The following RNF19B variants were observed in gnomAD, a reference collection of about 807,000 sequenced individuals.
RNF19B encodes the protein ring finger protein 19B, also known as E3 ubiquitin-protein ligase RNF19B.
Under a neutral mutation model 65.5 loss-of-function variants are expected in RNF19B, and 23 were observed. The ratio of observed to expected loss-of-function variants is 0.35; its 90% CI spans 0.25 to 0.50. RNF19B has a LOEUF of 0.50. RNF19B is among the 20% of genes least tolerant of loss of function. RNF19B has a pLI of 0.98. For synonymous variants in RNF19B, 372 were observed against 379.6 expected, an observed-to-expected ratio of 0.98 and a Z score of 0.23; for missense variants, 794 against 980.0, an observed-to-expected ratio of 0.81 and a Z score of 2.53.
intron 3 of RNF19B, among the ~76,000 whole-genome samples, chr1:32,947,783 G>GTGAAGTGTAAAGTAC (rs1553144705): frequency 1.3e-5 from 2 of 152,014 alleles, no homozygotes; most frequent in Non-Finnish European, 2.9e-5. Flanking sequence ...AGATAGGTAC[G>GTGAAGTGTAAAGTAC]TGAAGTGTAA....
At chr1:32,956,955 C>T (rs1374442065) in intron 1 of RNF19B, among the ~76,000 whole-genome samples, 1 of 152,134 alleles carries the variant, frequency 6.6e-6, no homozygotes, top group East Asian at 1.9e-4. Flanking sequence ...ATTTTTCCTG[C>T]CCTATTTAAG....
At chr1:32,953,884 TC>T (rs1445109403) in intron 1 of RNF19B, among the ~76,000 whole-genome samples, 1 of 147,456 alleles carries the variant, frequency 6.8e-6, no homozygotes, top group African/African-American at 2.5e-5. Flanking sequence ...TTATTAACAT[TC>T]CCCCAGCCCC....
intron 1 of RNF19B, among the ~76,000 whole-genome samples, chr1:32,961,826 G>A (rs574937331): frequency 6.6e-6 from 1 of 152,192 alleles, no homozygotes; most frequent in East Asian, 1.9e-4. Context: ...TTTTATTGAT[G>A]TGAGCAAAGA....
intron 2 of RNF19B, 123 bp from the exon 3 acceptor site, chr1:32,948,486 T>C: frequency 9.9e-7 from 1 of 1,011,054 alleles, no homozygotes; most frequent in Non-Finnish European, 1.4e-6. Flanking sequence ...CACTGAACAC[T>C]CCAAATTGTA....
At chr1:32,947,813 A>G (rs977859065) in intron 3 of RNF19B, among the ~76,000 whole-genome samples, 15 of 152,120 alleles carry the variant, frequency 9.9e-5, no homozygotes, top group African/African-American at 3.4e-4. Flanking sequence ...GATATTTATG[A>G]CAAAAGATAA....
intron 5 of RNF19B, 88 bp from the exon 6 acceptor site, chr1:32,944,247 C>G: frequency 7.1e-7 from 1 of 1,417,558 alleles, no homozygotes; most frequent in Non-Finnish European, 9.5e-7. Flanking sequence ...GGACAAACCA[C>G]TTTATAAAGA....
At chr1:32,947,965 A>G (rs1455530932) in intron 3 of RNF19B, among the ~76,000 whole-genome samples, 7 of 152,132 alleles carry the variant, frequency 4.6e-5, no homozygotes, top group East Asian at 1.9e-4. Context: ...TAGGCAAAGG[A>G]AAGAACATGA....
intron 1 of RNF19B, among the ~76,000 whole-genome samples, chr1:32,962,742 T>C (rs553400236): frequency 4.0e-5 from 6 of 151,454 alleles, no homozygotes; most frequent in African/African-American, 1.4e-4. Context: ...CCCAGCATCT[T>C]TTTGTCGCCA....
At chr1:32,962,527 T>C (rs999066141) in intron 1 of RNF19B, among the ~76,000 whole-genome samples, 5 of 152,262 alleles carry the variant, frequency 3.3e-5, no homozygotes, top group African/African-American at 9.6e-5. Context: ...CTAAACAAGT[T>C]TGGCAGAATT....
chr1:32,937,105 C>G lies in RNF19B; in HGVS notation c.1897G>C (p.Asp633His). ...EGSGGGGSEE[D>H]PPCRHQSCEQ... is the part of the protein sequence containing the mutation. ...CAGCTTTGGTGTCTGCAGGGGGGAT[C>G]CTCTTCACTGCCTCCGCCACCACTA... The change falls in exon 9 of 9, where the codon GAT (aspartate) becomes CAT (histidine). Residue 633 changes from aspartate to histidine, a missense_variant. By Grantham distance (81) the Asp-to-His change is moderately conservative (BLOSUM62 -1). Coordinates refer to ENST00000235150, the MANE Select transcript of RNF19B (RefSeq NM_001300826.2). 6.2e-7 allele frequency: 1 copy of G among 1,614,180 alleles called. No individual in the cohort carries two copies. Among genetic ancestry groups the G allele is most frequent in the South Asian group, 1.1e-5 (1 of 91,082 alleles).
rs779653345 is a variant in RNF19B at position 32,936,963 on chromosome 1, G to A, written c.2039C>T (p.Thr680Ile). Reference protein sequence around the residue: ...DAQSDDVPDITSDECGSPRSH... With the variant: ...DAQSDDVPDIISDECGSPRSH... ...GCGGGGGGAGCCACACTCATCTGAGGTGATGTCTGGCACATCGTCTGACTG... is the reference window on the plus strand; with the variant it reads ...GCGGGGGGAGCCACACTCATCTGAGATGATGTCTGGCACATCGTCTGACTG... Residue 680 changes from threonine to isoleucine, a missense_variant, in exon 9 of 9, where the codon ACC becomes ATC. Thr to Ile is a moderately conservative substitution (Grantham distance 89). Transcript: ENST00000235150. 2.5e-6 allele frequency: 4 copies of A among 1,613,990 alleles called. No individual in the cohort carries two copies. In the East Asian group the frequency reaches 8.9e-5, roughly 36 times the overall value.
At chr1:32,952,965 T>TA (rs1212154358) in intron 1 of RNF19B, among the ~76,000 whole-genome samples, 1 of 145,954 alleles carries the variant, frequency 6.9e-6, no homozygotes, top group Non-Finnish European at 1.5e-5. Context: ...TCACACAATT[T>TA]TTTTTTTTTT....
downstream of RNF19B, among the ~76,000 whole-genome samples, chr1:32,934,455 G>A (rs1215393426): frequency 6.6e-6 from 1 of 152,092 alleles, no homozygotes; most frequent in Non-Finnish European, 1.5e-5. Context: ...CTGAGGTGGG[G>A]GGAATCACTT....
rs1354168645 is a variant in RNF19B at position 32,949,647 on chromosome 1, G to A, written c.763C>T (p.Arg255Cys). The change falls in exon 2 of 9, where the codon CGT (arginine) becomes TGT (cysteine). Residue 255 changes from arginine to cysteine, a missense_variant. By Grantham distance (180) the Arg-to-Cys change is radical. This residue lies in a region of RNF19B where 374 missense variants were observed against 423.8 expected (regional missense o/e 0.88). Coordinates refer to ENST00000235150, the MANE Select transcript of RNF19B (RefSeq NM_001300826.2). ...CGTAAAGTCTGGGCCCTCTGTTGAC[G>A]GGCCATATCGCATGTCTGATTTGGA... ...WHPNQTCDMA[R>C]QQRAQTLRVR... 9 of 1,613,712 alleles carry A rather than the reference G, an allele frequency of 5.6e-6. No homozygotes were observed. Among genetic ancestry groups the A allele is most frequent in the Non-Finnish European group, 6.8e-6 (8 of 1,180,008 alleles).
intron 1 of RNF19B, among the ~76,000 whole-genome samples, chr1:32,951,027 T>C (rs168953): frequency 0.35 from 53,757 of 151,592 alleles, 9,703 homozygotes; most frequent in Admixed American, 0.43. Context: ...TTTGTAGAGA[T>C]AGGGTTTCAC....
At chr1:32,938,140 CA>C (rs80176999) in intron 8 of RNF19B, among the ~76,000 whole-genome samples, 503 of 46,060 alleles carry the variant, frequency 0.011, 2 homozygotes, top group East Asian at 0.035. Flanking sequence ...CCAAGAAAGA[CA>C]AAAAAAAAAA....
rs562198778 is a variant in RNF19B at position 32,958,577 on chromosome 1, A to G, written c.635+5474T>C. Reference sequence around the variant, plus strand: ...TAAAAATACAAAAAATTAGCCAGGCATGGTTGCAGGTGCCTGTAGTCCCAG... The same window carrying G: ...TAAAAATACAAAAAATTAGCCAGGCGTGGTTGCAGGTGCCTGTAGTCCCAG... On this transcript the variant is annotated intron_variant, in intron 1 of 8. Transcript: ENST00000235150. Among the ~76,000 whole-genome samples the G allele has an allele frequency of 5.9e-5, 9 of 152,262 alleles. No individual in the cohort carries two copies. The East Asian group carries it at 9.6e-4, about 16-fold the overall frequency.
chr1:32,940,331 G>A (rs1642203628), intron 7 of RNF19B, among the ~76,000 whole-genome samples: 1 of 152,140 alleles, frequency 6.6e-6, no homozygotes, highest in Non-Finnish European at 1.5e-5. Flanking sequence ...CTCATTCTGG[G>A]ATGGGTCCCT....
chr1:32,944,204 A>G, intron 5 of RNF19B, 45 bp from the exon 6 acceptor site: 1 of 1,568,570 alleles, frequency 6.4e-7, no homozygotes, highest in South Asian at 1.2e-5. Flanking sequence ...TTAGGTTGCA[A>G]GTGCCCTGAA....
Sources: gnomAD v4.1 joint callset for allele counts (sites outside exome capture counted in the v4.1 genomes callset) on GRCh38, gnomAD v4.1.1 for gene constraint, gnomAD v4.1.1 regional missense constraint, MANE v1.5 for transcripts, NCBI Gene and HGNC (gene_info 2026-07-23, HGNC 2026-07-21) for gene names.